Variants in SCLT1 observed in about 807,000 individuals in gnomAD.
SCLT1 encodes sodium channel-associated protein 1.
Under a neutral mutation model 112.8 loss-of-function variants are expected in SCLT1, and 78 were observed. The observed-to-expected ratio is 0.69, with a 90% CI of 0.58 to 0.83. SCLT1 has a LOEUF of 0.83. Ranked by LOEUF, SCLT1 falls within the 40% of genes least tolerant of loss-of-function variation. SCLT1 has a pLI of 0.00. For synonymous variants in SCLT1, 257 were observed against 254.7 expected (o/e 1.01, Z -0.09); for missense variants, 747 against 770.4 (o/e 0.97, Z 0.36).
chr4:128,979,691 T>C (rs1741481486), intron 9 of SCLT1, among the ~76,000 whole-genome samples: 1 of 152,212 alleles, frequency 6.6e-6, no homozygotes, highest in African/African-American at 2.4e-5. Flanking sequence ...CAGAACCACA[T>C]TTTTAAAGAC....
At chr4:129,071,362 G>A (rs1422535331) in intron 2 of SCLT1, among the ~76,000 whole-genome samples, 1 of 152,112 alleles carries the variant, frequency 6.6e-6, no homozygotes, top group African/African-American at 2.4e-5. Flanking sequence ...CCTGCCTAAG[G>A]CTGTCAGTGG....
chr4:129,029,071 TG>T (rs1166052711), intron 5 of SCLT1, among the ~76,000 whole-genome samples: 1 of 152,178 alleles, frequency 6.6e-6, no homozygotes, highest in Non-Finnish European at 1.5e-5. Context: ...ACTTTTACAC[TG>T]TTGGTGGGAC....
chr4:128,918,017 T>A (rs569915900), intron 18 of SCLT1, among the ~76,000 whole-genome samples: 27 of 152,306 alleles, frequency 1.8e-4, no homozygotes, highest in African/African-American at 6.3e-4. Context: ...CGTATTCTTC[T>A]GTGGCCACAG....
intron 5 of SCLT1, among the ~76,000 whole-genome samples, chr4:129,032,427 G>A (rs913118826): frequency 4.6e-5 from 7 of 152,082 alleles, no homozygotes; most frequent in Non-Finnish European, 8.8e-5. Flanking sequence ...ACAAAGGCAT[G>A]GGCAAAGACT....
intron 8 of SCLT1, among the ~76,000 whole-genome samples, chr4:128,994,195 G>A (rs1193591936): frequency 6.6e-6 from 1 of 151,950 alleles, no homozygotes; most frequent in Non-Finnish European, 1.5e-5. Context: ...CTCACCAAAG[G>A]CCCTGGAAGT....
chr4:129,092,256 C>T (rs1752902612), intron 1 of SCLT1, among the ~76,000 whole-genome samples: 1 of 152,156 alleles, frequency 6.6e-6, no homozygotes, highest in Non-Finnish European at 1.5e-5. Context: ...TGCCATTTCC[C>T]TATATAAATA....
At chr4:129,053,853 G>A (rs1304403524) in intron 2 of SCLT1, among the ~76,000 whole-genome samples, 1 of 151,928 alleles carries the variant, frequency 6.6e-6, no homozygotes, top group African/African-American at 2.4e-5. Context: ...TAGTGTCAAT[G>A]GTCTTTACAA....
At chr4:128,897,114 G>T (rs1733834401) in intron 18 of SCLT1, among the ~76,000 whole-genome samples, 1 of 152,164 alleles carries the variant, frequency 6.6e-6, no homozygotes, top group Non-Finnish European at 1.5e-5. Context: ...ATATTATCCA[G>T]GAGAACTTCC....
At chr4:128,963,233 T>C (rs1579522567) in intron 11 of SCLT1, among the ~76,000 whole-genome samples, 2 of 152,330 alleles carry the variant, frequency 1.3e-5, no homozygotes, top group African/African-American at 4.8e-5. Context: ...CAGACTTCAT[T>C]TAAGTTTTTA....
intron 5 of SCLT1, among the ~76,000 whole-genome samples, chr4:129,020,059 G>T (rs781706810): frequency 6.6e-6 from 1 of 152,096 alleles, no homozygotes; most frequent in Non-Finnish European, 1.5e-5. Flanking sequence ...CGCCATGTGG[G>T]TCTCATCCTG....
chr4:128,916,672 C>T (rs577274587), intron 18 of SCLT1, among the ~76,000 whole-genome samples: 1 of 152,290 alleles, frequency 6.6e-6, no homozygotes, highest in South Asian at 2.1e-4. Flanking sequence ...GCAACAGACA[C>T]TTACTTTTTC....
intron 18 of SCLT1, among the ~76,000 whole-genome samples, chr4:128,920,792 A>G (rs1260845372): frequency 6.6e-6 from 1 of 152,202 alleles, no homozygotes; most frequent in Non-Finnish European, 1.5e-5. Context: ...TATTCAACAT[A>G]GTACTGGAAT....
At chr4:128,875,510 G>C (rs1732491976) in intron 4 of SCLT1, among the ~76,000 whole-genome samples, 1 of 152,170 alleles carries the variant, frequency 6.6e-6, no homozygotes, top group African/African-American at 2.4e-5. Context: ...GTAGACTTCA[G>C]GGTCAGAGAG....
At chr4:129,024,650 C>G (rs1305454116) in intron 5 of SCLT1, among the ~76,000 whole-genome samples, 1 of 152,232 alleles carries the variant, frequency 6.6e-6, no homozygotes, top group Non-Finnish European at 1.5e-5. Context: ...GACTCTCCTC[C>G]TCCAAAGGAA....
In SCLT1 at chr4:128,997,877, T is replaced by C; in HGVS notation, c.612A>G (p.Glu204=). ...TTATATAAATAAGTATACTTACCAC[T>C]TCCATGTTCTCATTAGTAACATGAA... The part of the protein sequence containing the change: ...KQLHVTNENM[E]VTNQQFLKTV... Residue 204 remains glutamate (E), a synonymous_variant, in exon 8 of 21, where the codon GAA becomes GAG. Transcript: ENST00000281142. The C allele has an allele frequency of 7.1e-7, 1 of 1,415,748 alleles. No individual in the cohort carries two copies. Among genetic ancestry groups the C allele is most frequent in the Non-Finnish European group, 9.6e-7 (1 of 1,045,056 alleles). 87.7% of individuals were successfully genotyped at this position (1,415,748 alleles called of 1,614,324 possible).
At chr4:128,917,813 A>T (rs1334132539) in intron 18 of SCLT1, among the ~76,000 whole-genome samples, 1 of 152,144 alleles carries the variant, frequency 6.6e-6, no homozygotes, top group Non-Finnish European at 1.5e-5. Flanking sequence ...ACAATACTGC[A>T]CACTTGGGAT....
At chr4:128,933,111 T>G (rs1305520748) in intron 18 of SCLT1, among the ~76,000 whole-genome samples, 1 of 152,132 alleles carries the variant, frequency 6.6e-6, no homozygotes, top group Non-Finnish European at 1.5e-5. Flanking sequence ...CAAAAATTTG[T>G]ATGGAACCAC....
At chr4:129,000,736 T>C (rs1162859166) in intron 6 of SCLT1, among the ~76,000 whole-genome samples, 2 of 151,926 alleles carry the variant, frequency 1.3e-5, no homozygotes, top group Non-Finnish European at 2.9e-5. Flanking sequence ...TGGAGTACAC[T>C]GAGGTATACC....
chr4:129,043,277 G>T, intron 4 of SCLT1, 118 bp downstream of exon 4: 2 of 649,562 alleles, frequency 3.1e-6, no homozygotes, highest in Non-Finnish European at 5.5e-6. Flanking sequence ...GCCACCAATT[G>T]GTTAGTTACA....
Sources: allele counts gnomAD v4.1 joint callset (sites outside exome capture counted in the v4.1 genomes callset), GRCh38; gene constraint gnomAD v4.1.1; transcripts MANE v1.5; gene names NCBI Gene and HGNC (gene_info 2026-07-23, HGNC 2026-07-21).